The following C2CD4C variants were observed in gnomAD, a reference collection of about 807,000 sequenced individuals.
The protein encoded by C2CD4C is C2 calcium dependent domain containing 4C, also known as C2 calcium-dependent domain-containing protein 4C.
C2CD4C carries 3 observed loss-of-function variants against 4.1 expected under a neutral mutation model. That is an observed-to-expected ratio of 0.73 (90% CI 0.33 to 1.88). The LOEUF is 1.88. Among genes scored for constraint, C2CD4C ranks in the 40% most tolerant of loss-of-function variants. The pLI is 0.08. For synonymous variants in C2CD4C, 364 were observed against 290.4 expected, an observed-to-expected ratio of 1.25 and a Z score of -2.57; for missense variants, 664 against 621.5, an observed-to-expected ratio of 1.07 and a Z score of -0.73.
At position 406,077 on chromosome 19, in the gene C2CD4C, C is replaced by G. The variant is rs1028653569; in HGVS notation, c.*1019G>C. 1 of 152,368 alleles carries G rather than the reference C, an allele frequency of 6.6e-6. No individual in the cohort carries two copies. The highest frequency in any genetic ancestry group is 1.5e-5 in the Non-Finnish European group (1 of 68,130). 9.4% of individuals were successfully genotyped at this position (152,368 alleles called of 1,614,324 possible). ...TAACCACACAATGGAAGCCTTGCAG[C>G]CACCTAACAGCAGGAAAGGCCATAG... On this transcript the variant is annotated 3_prime_UTR_variant, in exon 2 of 2. Coordinates refer to ENST00000332235, the MANE Select transcript of C2CD4C (RefSeq NM_001136263.2).
chr19:408,411 G>A lies in C2CD4C; in HGVS notation c.-40-10C>T, dbSNP rs1266430131. The stretch of plus-strand genomic sequence containing the variant: ...ACAGGGGCTGCAGCGTCTGGGAAGA[G>A]AAGCAGGGGTCAGGAGCAGTGGGGG... On this transcript the variant is annotated splice_polypyrimidine_tract_variant and intron_variant, in intron 1 of 1. Coordinates refer to ENST00000332235, the MANE Select transcript of C2CD4C (RefSeq NM_001136263.2). 3 of 1,476,962 alleles carry A rather than the reference G, an allele frequency of 2.0e-6. No homozygotes were observed. The highest frequency in any genetic ancestry group is 2.7e-5 in the East Asian group (1 of 36,772). The allele number at this position is 1,476,962 out of a possible 1,614,324, so 91.5% of individuals were successfully genotyped here. A position where few individuals can be genotyped will look rare whatever the true frequency, so the allele number is the denominator to read the frequency against.
At chr19:408,655 G>C (rs1302526589) in intron 1 of C2CD4C, among the ~76,000 whole-genome samples, 2 of 152,156 alleles carry the variant, frequency 1.3e-5, no homozygotes, top group African/African-American at 2.4e-5. Context: ...CTGACTCTCC[G>C]GGGAGCTCCC....
chr19:407,509 G>T lies in C2CD4C; in HGVS notation c.853C>A (p.Pro285Thr). The T allele has an allele frequency of 7.2e-7, 1 of 1,380,688 alleles. No individual in the cohort carries two copies. Among genetic ancestry groups the T allele is most frequent in the Non-Finnish European group, 9.3e-7 (1 of 1,070,172 alleles). 85.5% of individuals were successfully genotyped at this position (1,380,688 alleles called of 1,614,324 possible). A position where few individuals can be genotyped will look rare whatever the true frequency, so the allele number is the denominator to read the frequency against. Residue 285 changes from proline to threonine, a missense_variant, in exon 2 of 2, where the codon CCC becomes ACC. Pro to Thr is a conservative substitution (Grantham distance 38). Coordinates refer to ENST00000332235, the MANE Select transcript of C2CD4C (RefSeq NM_001136263.2). ...GSRRRLTRRA[P>T]PEPGPESGQA... ...CCCGACTCGGGGCCAGGTTCCGGGG[G>T]TGCCCGGCGGGTCAGGCGGCGCCGG...
rs1974009053 is a variant in C2CD4C, at chr19:407,438, G to A, written c.924C>T (p.Ser308=). Reference sequence around the variant, plus strand: ...CCTCGTACTCGGCCAGCAGCCGCACGCTGCCCCGAGGGCCCACGTGGACCG... The same window carrying A: ...CCTCGTACTCGGCCAGCAGCCGCACACTGCCCCGAGGGCCCACGTGGACCG... ...EHTVHVGPRG[S]VRLLAEYEAG... is the part of the protein sequence containing the mutation. Residue 308 remains serine, a synonymous_variant, in exon 2 of 2, where the codon AGC becomes AGT. Transcript: ENST00000332235. 4 of 1,487,880 alleles carry A rather than the reference G, an allele frequency of 2.7e-6. No homozygotes were observed. Among genetic ancestry groups the A allele is most frequent in the Admixed American group, 2.3e-5 (1 of 43,650 alleles). The allele number at this position is 1,487,880 out of a possible 1,614,324, so 92.2% of individuals were successfully genotyped here. A position where few individuals can be genotyped will look rare whatever the true frequency, so the allele number is the denominator to read the frequency against.
In C2CD4C at chr19:406,309, C is replaced by G. The variant is rs1244242854; in HGVS notation, c.*787G>C. On this transcript the variant is annotated 3_prime_UTR_variant, in exon 2 of 2. Coordinates refer to ENST00000332235, the MANE Select transcript of C2CD4C (RefSeq NM_001136263.2). ...TCTGGGCATCTCTGAGCAAGACCCTCCGGCGCCACAGCAGAAATGGCCAGA... is the reference window on the plus strand; with the variant it reads ...TCTGGGCATCTCTGAGCAAGACCCTGCGGCGCCACAGCAGAAATGGCCAGA... 1 of 152,280 alleles carries G rather than the reference C, an allele frequency of 6.6e-6. No individual in the cohort carries two copies. The highest frequency in any genetic ancestry group is 1.5e-5 in the Non-Finnish European group (1 of 68,058). 9.4% of individuals were successfully genotyped at this position (152,280 alleles called of 1,614,324 possible).
Position 407,515 on chromosome 19 carries a change from G to A in C2CD4C, c.847C>T (p.Arg283Trp), listed in dbSNP as rs752959139. The change falls in exon 2 of 2, where the codon CGG becomes TGG. Residue 283 changes from arginine to tryptophan, a missense_variant. Physicochemically the swap from Arg to Trp is moderately radical, Grantham distance 101. Coordinates refer to ENST00000332235, the MANE Select transcript of C2CD4C (RefSeq NM_001136263.2). ...TCGGGGCCAGGTTCCGGGGGTGCCC[G>A]GCGGGTCAGGCGGCGCCGGCTCCCG... ...SPGSRRRLTR[R>W]APPEPGPESG... 29 of 1,379,148 alleles carry A rather than the reference G, an allele frequency of 2.1e-5. No individual in the cohort carries two copies. Among genetic ancestry groups the A allele is most frequent in the South Asian group, 1.3e-4 (8 of 59,300 alleles). The allele number at this position is 1,379,148 out of a possible 1,614,324, so 85.4% of individuals were successfully genotyped here. A position where few individuals can be genotyped will look rare whatever the true frequency, so the allele number is the denominator to read the frequency against.
In C2CD4C at chr19:407,270, C is replaced by T. The variant is rs1974006026; in HGVS notation, c.1092G>A (p.Lys364=). Reference sequence around the variant, plus strand: ...CGTTGAAGACGGGGCGGCGGCTGTTCTTCACGATGGTGCTGCGCTGCTTCT... The same window carrying T: ...CGTTGAAGACGGGGCGGCGGCTGTTTTTCACGATGGTGCTGCGCTGCTTCT... ...KLQKQRSTIV[K]NSRRPVFNED... is the part of the protein sequence containing the mutation. Residue 364 remains lysine, a synonymous_variant, in exon 2 of 2, where the codon AAG becomes AAA. Coordinates refer to ENST00000332235, the MANE Select transcript of C2CD4C (RefSeq NM_001136263.2). 10 of 1,550,094 alleles carry T rather than the reference C, an allele frequency of 6.5e-6. No individual in the cohort carries two copies. Among genetic ancestry groups the T allele is most frequent in the Non-Finnish European group, 8.7e-6 (10 of 1,146,874 alleles).
At chr19:408,711 C>T (rs1382165653) in intron 1 of C2CD4C, among the ~76,000 whole-genome samples, 1 of 152,218 alleles carries the variant, frequency 6.6e-6, no homozygotes, top group Non-Finnish European at 1.5e-5. Flanking sequence ...TTTTGAGCAT[C>T]TCAGCGCTCA....
rs890749665 is a variant in C2CD4C, at chr19:408,321, C to A, written c.41G>T (p.Gly14Val). 4.5e-6 allele frequency: 7 copies of A among 1,547,798 alleles called. No homozygotes were observed. In the African/African-American group the frequency reaches 9.6e-5, roughly 21 times the overall value. ...TNMWFLERLRGSGENGAARGV... is the reference protein window; with the variant it reads ...TNMWFLERLRVSGENGAARGV... ...CCGGGCAGCACCGTTTTCCCCAGAC[C>A]CCCGAAGCCGCTCCAAGAACCACAT... The change falls in exon 2 of 2, where the codon GGG becomes GTG. Residue 14 changes from glycine (G) to valine (V), a missense_variant. By Grantham distance (109) the Gly-to-Val change is moderately radical. Coordinates refer to ENST00000332235, the MANE Select transcript of C2CD4C (RefSeq NM_001136263.2).
Position 408,111 on chromosome 19 carries a change from C to T in C2CD4C, c.251G>A (p.Arg84His), listed in dbSNP as rs2145674510. 1.4e-6 allele frequency: 2 copies of T among 1,475,830 alleles called. No homozygotes were observed. Among genetic ancestry groups the T allele is most frequent in the South Asian group, 1.4e-5 (1 of 71,246 alleles). The allele number at this position is 1,475,830 out of a possible 1,614,324, so 91.4% of individuals were successfully genotyped here. Reference protein sequence around the residue: ...SEQNLASAAPRQTPRSPRLPA... With the variant: ...SEQNLASAAPHQTPRSPRLPA... ...CAGCCGGGGGCTCCGTGGGGTCTGG[C>T]GGGGGGCCGCAGAGGCCAGGTTCTG... Residue 84 changes from arginine (R) to histidine (H), a missense_variant, in exon 2 of 2, where the codon CGC (arginine) becomes CAC (histidine). Coordinates refer to ENST00000332235, the MANE Select transcript of C2CD4C (RefSeq NM_001136263.2).
In C2CD4C at chr19:406,859, C is replaced by A; in HGVS notation, c.*237G>T. 1.9e-6 allele frequency: 1 copy of A among 521,714 alleles called. No individual in the cohort carries two copies. Among genetic ancestry groups the A allele is most frequent in the Non-Finnish European group, 3.4e-6 (1 of 297,268 alleles). The allele number at this position is 521,714 out of a possible 1,614,324, so 32.3% of individuals were successfully genotyped here. ...CTCTTCCCCCGAGGCCCCTCTCCTC[C>A]TCCTCCTCCTCCTCCAAAGGAGAAA... On this transcript the variant is annotated 3_prime_UTR_variant, in exon 2 of 2. Transcript: ENST00000332235.
chr19:407,041 G>C lies in C2CD4C; in HGVS notation c.*55C>G. 6.9e-7 allele frequency: 1 copy of C among 1,458,020 alleles called. No homozygotes were observed. Among genetic ancestry groups the C allele is most frequent in the African/African-American group, 1.4e-5 (1 of 71,192 alleles). The allele number at this position is 1,458,020 out of a possible 1,614,324, so 90.3% of individuals were successfully genotyped here. A position where few individuals can be genotyped will look rare whatever the true frequency, so the allele number is the denominator to read the frequency against. On this transcript the variant is annotated 3_prime_UTR_variant, in exon 2 of 2. Coordinates refer to ENST00000332235, the MANE Select transcript of C2CD4C (RefSeq NM_001136263.2). ...CCCGCCCGCCAGCACCCGGTGTGGA[G>C]GAGAGACCGGGGTCTGCCCTCTGCA...
At chr19:408,513 A>G (rs901603279) in intron 1 of C2CD4C, 112 bp from the exon 2 acceptor site, 11 of 406,938 alleles carry the variant, frequency 2.7e-5, no homozygotes, top group East Asian at 8.2e-5. Flanking sequence ...GTGGGGGTGG[A>G]GGGGTCCCCT....
In C2CD4C at chr19:407,683, AG is replaced by A; in HGVS notation, c.678del (p.Phe227SerfsTer24). On this transcript the variant is annotated frameshift_variant, in exon 2 of 2. Coordinates refer to ENST00000332235, the MANE Select transcript of C2CD4C (RefSeq NM_001136263.2). LOFTEE classifies it low-confidence loss of function (END_TRUNC). ...SDTGSSAESS[P>X]FGSPLLSRSV... The stretch of plus-strand genomic sequence containing the variant: ...GAGCGGGACAGCAGAGGGGACCCGA[AG>A]GGGGAGGACTCGGCCGAGGACCCTG... The A allele has an allele frequency of 6.5e-7, 1 of 1,531,968 alleles. No individual in the cohort carries two copies. The highest frequency in any genetic ancestry group is 8.8e-7 in the Non-Finnish European group (1 of 1,138,368). The allele number at this position is 1,531,968 out of a possible 1,614,324, so 94.9% of individuals were successfully genotyped here.
At position 407,751 on chromosome 19, in the gene C2CD4C, A is replaced by G. The variant is rs927687432; in HGVS notation, c.611T>C (p.Leu204Pro). 3.4e-5 allele frequency: 52 copies of G among 1,516,678 alleles called. No homozygotes were observed. Among genetic ancestry groups the G allele is most frequent in the Non-Finnish European group, 4.6e-5 (52 of 1,132,118 alleles). 94.0% of individuals were successfully genotyped at this position (1,516,678 alleles called of 1,614,324 possible). A position where few individuals can be genotyped will look rare whatever the true frequency, so the allele number is the denominator to read the frequency against. ...ACTGAAGTAGCGGCCGGGGCTCATG[A>G]GGGCCCCGCCAGCCTCCCTGGGGCC... is the stretch of plus-strand genomic sequence containing the variant. Reference protein sequence around the residue: ...DGGPREAGGALMSPGRYFSGG... With the variant: ...DGGPREAGGAPMSPGRYFSGG... Residue 204 changes from leucine to proline, a missense_variant, in exon 2 of 2, where the codon CTC becomes CCC. Coordinates refer to ENST00000332235, the MANE Select transcript of C2CD4C (RefSeq NM_001136263.2).
rs377625776 is a variant in C2CD4C, at chr19:407,081, G to A, written c.*15C>T. ...TGCCCTCTGCACCCGAGCGGACAGC[G>A]AGCAGGTCCCCGCTCTACAGGAAGG... On this transcript the variant is annotated 3_prime_UTR_variant, in exon 2 of 2. Transcript: ENST00000332235. The A allele has an allele frequency of 1.1e-4, 161 of 1,532,350 alleles. No individual in the cohort carries two copies. Among genetic ancestry groups the A allele is most frequent in the East Asian group, 1.7e-4 (7 of 40,484 alleles). 94.9% of individuals were successfully genotyped at this position (1,532,350 alleles called of 1,614,324 possible). A position where few individuals can be genotyped will look rare whatever the true frequency, so the allele number is the denominator to read the frequency against.
At position 407,329 on chromosome 19, in the gene C2CD4C, A is replaced by T; in HGVS notation, c.1033T>A (p.Cys345Ser). The change falls in exon 2 of 2, where the codon TGC becomes AGC. Residue 345 changes from cysteine to serine, a missense_variant. Transcript: ENST00000332235. ...CCCGGCACCAGGCACAGGCCCACGC[A>T]GCAGTTGATGCTGCGGGCGTCGCAC... ...RLCDARSINC[C>S]VGLCLVPGKL... The T allele has an allele frequency of 6.5e-7, 1 of 1,549,072 alleles. No homozygotes were observed. Among genetic ancestry groups the T allele is most frequent in the Non-Finnish European group, 8.7e-7 (1 of 1,146,752 alleles).
rs1974009244 is a variant in C2CD4C at position 407,451 on chromosome 19, C to T, written c.911G>A (p.Gly304Asp). The change falls in exon 2 of 2, where the codon GGC becomes GAC. Residue 304 changes from glycine (G) to aspartate (D), a missense_variant. Transcript: ENST00000332235. ...QARGEHTVHV[G>D]PRGSVRLLAE... ...CAGCAGCCGCACGCTGCCCCGAGGGCCCACGTGGACCGTGTGCTCCCCACG... is the reference window on the plus strand; with the variant it reads ...CAGCAGCCGCACGCTGCCCCGAGGGTCCACGTGGACCGTGTGCTCCCCACG... 2.1e-6 allele frequency: 3 copies of T among 1,441,296 alleles called. No individual in the cohort carries two copies. The highest frequency in any genetic ancestry group is 1.5e-5 in the African/African-American group (1 of 68,204). The allele number at this position is 1,441,296 out of a possible 1,614,324, so 89.3% of individuals were successfully genotyped here.
chr19:407,039 G>C lies in C2CD4C; in HGVS notation c.*57C>G, dbSNP rs544984242. 6.0e-3 allele frequency: 8,691 copies of C among 1,453,224 alleles called. 33 individuals carry two copies. The highest frequency in any genetic ancestry group is 7.0e-3 in the Non-Finnish European group (7,640 of 1,092,834). The allele number at this position is 1,453,224 out of a possible 1,614,324, so 90.0% of individuals were successfully genotyped here. ...GACCCGCCCGCCAGCACCCGGTGTGGAGGAGAGACCGGGGTCTGCCCTCTG... is the reference window on the plus strand; with the variant it reads ...GACCCGCCCGCCAGCACCCGGTGTGCAGGAGAGACCGGGGTCTGCCCTCTG... On this transcript the variant is annotated 3_prime_UTR_variant, in exon 2 of 2. Coordinates refer to ENST00000332235, the MANE Select transcript of C2CD4C (RefSeq NM_001136263.2).
Sources: allele counts gnomAD v4.1 joint callset (sites outside exome capture counted in the v4.1 genomes callset), GRCh38; gene constraint gnomAD v4.1.1; transcripts MANE v1.5; gene names NCBI Gene and HGNC (gene_info 2026-07-23, HGNC 2026-07-21).